Variants in RMDN1 observed in about 807,000 individuals in gnomAD.
RMDN1 encodes the protein regulator of microtubule dynamics 1.
In RMDN1, 48 loss-of-function variants were observed where a neutral mutation model predicts 48.9. The ratio of observed to expected loss-of-function variants is 0.98; its 90% CI spans 0.78 to 1.25. The LOEUF (loss-of-function observed/expected upper bound fraction) is 1.25, where lower values mean the gene tolerates loss of function less well. RMDN1 is among the 50% of genes most tolerant of loss of function. The pLI, the probability that RMDN1 is intolerant of heterozygous loss-of-function variation, is 0.00. For synonymous variants in RMDN1, 148 were observed against 132.6 expected, an observed-to-expected ratio of 1.12 and a Z score of -0.80; for missense variants, 418 against 373.4, an observed-to-expected ratio of 1.12 and a Z score of -0.98.
chr8:86,505,432 T>C, intron 2 of RMDN1: 1 of 452,530 alleles, frequency 2.2e-6, no homozygotes, highest in South Asian at 1.6e-5. Context: ...ACCTCAGACT[T>C]ATCAGGAAGA....
chr8:86,487,851 T>A (rs1815748250), intron 3 of RMDN1, among the ~76,000 whole-genome samples: 1 of 152,154 alleles, frequency 6.6e-6, no homozygotes. Context: ...TGTAGATATT[T>A]AGAAAGTAAA....
At position 86,486,620 on chromosome 8, in the gene RMDN1, C is replaced by T. The variant is rs368672871; in HGVS notation, c.359G>A (p.Arg120His). The change falls in exon 4 of 10, where the codon CGT becomes CAT. Residue 120 changes from arginine to histidine, a missense_variant. Coordinates refer to ENST00000406452, the MANE Select transcript of RMDN1 (RefSeq NM_016033.3). ...TACATCACGTGATGCCCGTGCCAAA[C>T]GCCACAGTAACTCTGCATCTTCACT... ...KESEDAELLW[R>H]LARASRDVAQ... The T allele has an allele frequency of 2.7e-5, 43 of 1,599,290 alleles. No homozygotes were observed. Among genetic ancestry groups the T allele is most frequent in the East Asian group, 6.7e-5 (3 of 44,790 alleles).
chr8:86,476,961 A>G (rs1269485370), intron 8 of RMDN1, among the ~76,000 whole-genome samples: 9 of 152,174 alleles, frequency 5.9e-5, no homozygotes, highest in African/African-American at 1.4e-4. Context: ...TTGGCCTTCC[A>G]AAGTGCTGGG....
chr8:86,483,932 G>A (rs1338343726), intron 5 of RMDN1, among the ~76,000 whole-genome samples: 1 of 150,860 alleles, frequency 6.6e-6, no homozygotes, highest in South Asian at 2.1e-4. Flanking sequence ...ATTAACTTTA[G>A]GGGAAAATAT....
intron 2 of RMDN1, chr8:86,494,741 G>C: frequency 8.6e-6 from 2 of 232,310 alleles, no homozygotes; most frequent in South Asian, 9.2e-5. Context: ...TGTAATTCCA[G>C]ACTTTGGGGT....
At position 86,503,560 on chromosome 8, in the gene RMDN1, GAATTA is replaced by G. The variant is rs531042417; in HGVS notation, c.247+3430_247+3434del. 67 of 345,558 alleles carry G rather than the reference GAATTA, an allele frequency of 1.9e-4. No individual in the cohort carries two copies. In the East Asian group the frequency reaches 2.7e-3, roughly 14 times the overall value. The allele number at this position is 345,558 out of a possible 1,614,324, so 21.4% of individuals were successfully genotyped here. On this transcript the variant is annotated intron_variant, in intron 2 of 9. Coordinates refer to ENST00000406452, the MANE Select transcript of RMDN1 (RefSeq NM_016033.3). ...TAGATCTTTATTGAAGACTTGAAAA[GAATTA>G]GATTAGGACCATGCGGACACAGAAG...
At chr8:86,483,015 C>T (rs905510793) in intron 5 of RMDN1, 7 of 602,894 alleles carry the variant, frequency 1.2e-5, no homozygotes, top group South Asian at 2.0e-5. Flanking sequence ...TGGAGGCAGC[C>T]GCCCAGGCCA....
At chr8:86,470,671 T>G (rs745624454), downstream of RMDN1, among the ~76,000 whole-genome samples, 1 of 152,212 alleles carries the variant, frequency 6.6e-6, no homozygotes, top group Non-Finnish European at 1.5e-5. Flanking sequence ...ATATGGTTGA[T>G]ATGGTATGCC....
chr8:86,475,059 G>A, intron 8 of RMDN1, 106 bp from the exon 9 acceptor site: 1 of 859,542 alleles, frequency 1.2e-6, no homozygotes, highest in Non-Finnish European at 1.8e-6. Context: ...TGGTCAATAA[G>A]TGATTAGACT....
At chr8:86,477,227 TTATAG>T (rs1586596555) in intron 8 of RMDN1, 62 bp downstream of exon 8, 1 of 1,133,678 alleles carries the variant, frequency 8.8e-7, no homozygotes, top group Non-Finnish European at 1.3e-6. Context: ...GACATTGCTA[TTATAG>T]TATATATTCA....
At chr8:86,469,908 G>T (rs1053822611), downstream of RMDN1, among the ~76,000 whole-genome samples, 3 of 152,068 alleles carry the variant, frequency 2.0e-5, no homozygotes, top group Non-Finnish European at 2.9e-5. Context: ...TTATTCTCTT[G>T]ATCCTTACAA....
chr8:86,497,231 G>A (rs1817517492), intron 2 of RMDN1, among the ~76,000 whole-genome samples: 2 of 152,124 alleles, frequency 1.3e-5, no homozygotes, highest in South Asian at 4.1e-4. Context: ...TCTAGAGGAA[G>A]CAGAGAAACA....
At chr8:86,491,747 T>C (rs546484593) in intron 2 of RMDN1, among the ~76,000 whole-genome samples, 15 of 152,292 alleles carry the variant, frequency 9.8e-5, no homozygotes, top group Non-Finnish European at 1.9e-4. Context: ...TCATAATAAT[T>C]AGAATTTTTT....
chr8:86,473,252 CTG>C lies in RMDN1; in HGVS notation c.*1054_*1055del. On this transcript the variant is annotated 3_prime_UTR_variant, in exon 10 of 10. Transcript: ENST00000406452. ...GGAAAAATCCACCTACACACACAGT[CTG>C]TCTTTATCTAAGTGGATTCAAGATG... 3 of 985,118 alleles carry C rather than the reference CTG, an allele frequency of 3.0e-6. No homozygotes were observed. Among genetic ancestry groups the C allele is most frequent in the Non-Finnish European group, 3.6e-6 (3 of 829,902 alleles). The allele number at this position is 985,118 out of a possible 1,614,324, so 61.0% of individuals were successfully genotyped here. A position where few individuals can be genotyped will look rare whatever the true frequency, so the allele number is the denominator to read the frequency against.
upstream of RMDN1, chr8:86,508,738 C>A: frequency 1.4e-6 from 2 of 1,397,898 alleles, no homozygotes; most frequent in Non-Finnish European, 1.9e-6. Context: ...TGCACAGCAC[C>A]TCTTCCGCCT....
Position 86,501,661 on chromosome 8 carries a change from CCT to C in RMDN1, c.247+5332_247+5333del, listed in dbSNP as rs1248673965. On this transcript the variant is annotated intron_variant, in intron 2 of 9. Transcript: ENST00000406452. ...TGTGGCCTAAGCATCAGAGTGAGAC[CCT>C]GTCTCAAAAAAAAAATAAGTTCTAA... Among the ~76,000 whole-genome samples the C allele has an allele frequency of 8.8e-5, 4 of 45,334 alleles. No individual in the cohort carries two copies. In the East Asian group the frequency reaches 2.1e-3, roughly 24 times the overall value. The allele number at this position is 45,334 out of a possible 152,430, so 29.7% of individuals were successfully genotyped here. A position where few individuals can be genotyped will look rare whatever the true frequency, so the allele number is the denominator to read the frequency against.
intron 6 of RMDN1, among the ~76,000 whole-genome samples, chr8:86,479,605 G>A (rs1290480371): frequency 6.6e-6 from 1 of 152,130 alleles, no homozygotes; most frequent in Non-Finnish European, 1.5e-5. Flanking sequence ...CTTAGTGACT[G>A]CCCCTCAATT....
At chr8:86,475,211 T>C (rs1408916530) in intron 8 of RMDN1, among the ~76,000 whole-genome samples, 1 of 152,212 alleles carries the variant, frequency 6.6e-6, no homozygotes, top group African/African-American at 2.4e-5. Context: ...TAAGTAGGTA[T>C]CTCCATTTTA....
Position 86,486,553 on chromosome 8 carries a change from C to T in RMDN1, c.426G>A (p.Leu142=). 6.2e-7 allele frequency: 1 copy of T among 1,612,246 alleles called. No individual in the cohort carries two copies. The highest frequency in any genetic ancestry group is 8.5e-7 in the Non-Finnish European group (1 of 1,178,808). Residue 142 remains leucine (L), a synonymous_variant, in exon 4 of 10, where the codon TTG becomes TTA. Transcript: ENST00000406452. The part of the protein sequence containing the change: ...SRTSEEEKKL[L]VYEALEYAKR... ...TTGCATACTCTAGGGCTTCATACAC[C>T]AATAGCTTTTTCTCCTCTTCTGAGG...
Sources: allele counts gnomAD v4.1 joint callset (sites outside exome capture counted in the v4.1 genomes callset), GRCh38; gene constraint gnomAD v4.1.1; transcripts MANE v1.5; gene names NCBI Gene and HGNC (gene_info 2026-07-23, HGNC 2026-07-21).